Variants in SLC4A5 observed in about 807,000 individuals in gnomAD.
The protein encoded by SLC4A5 is electrogenic sodium bicarbonate cotransporter 4.
In SLC4A5, 96 loss-of-function variants were observed where a neutral mutation model predicts 120.4. That is an observed-to-expected ratio of 0.80 (90% CI 0.68 to 0.94). The LOEUF (loss-of-function observed/expected upper bound fraction) is 0.94. SLC4A5 is among the 40% of genes least tolerant of loss of function. SLC4A5 has a pLI of 0.00. For missense variants in SLC4A5, 1,259 were observed against 1,459.5 expected, an observed-to-expected ratio of 0.86 and a Z score of 2.24; for synonymous variants, 550 against 571.1, an observed-to-expected ratio of 0.96 and a Z score of 0.53.
Position 74,255,652 on chromosome 2 carries a change from C to T in SLC4A5, c.1025+123G>A. On this transcript the variant is annotated intron_variant, in intron 13 of 30. Transcript: ENST00000394019. The surrounding 1 kb of genome is among the most constrained non-coding windows in gnomAD (Gnocchi z 4.0). Reference sequence around the variant, plus strand: ...CTTCCCTAGTCAGAAGATTTCCCTTCCCAGCAGCCTCCACGTTTAGAGGTG... The same window carrying T: ...CTTCCCTAGTCAGAAGATTTCCCTTTCCAGCAGCCTCCACGTTTAGAGGTG... The T allele has an allele frequency of 8.6e-7, 1 of 1,156,882 alleles. No homozygotes were observed. The highest frequency in any genetic ancestry group is 1.6e-5 in the South Asian group (1 of 63,366). The allele number at this position is 1,156,882 out of a possible 1,614,324, so 71.7% of individuals were successfully genotyped here.
intron 4 of SLC4A5, among the ~76,000 whole-genome samples, chr2:74,333,367 T>C (rs1429567755): frequency 6.6e-6 from 1 of 152,144 alleles, no homozygotes; most frequent in Non-Finnish European, 1.5e-5. Context: ...TCGCCAGGGA[T>C]CTGCCAGGAG....
At chr2:74,221,451 G>A in exon 30 of SLC4A5, 1 of 1,613,426 alleles carries the variant, frequency 6.2e-7, no homozygotes, top group Non-Finnish European at 8.5e-7. Flanking sequence ...CAAGTTCTGT[G>A]TCACTGAAGG....
exon 7 of SLC4A5, chr2:74,304,574 C>T: frequency 6.2e-7 from 1 of 1,614,186 alleles, no homozygotes. Flanking sequence ...GCTGGTCTGG[C>T]CGCAGGCCCC....
chr2:74,251,228 G>A (rs1291104989), intron 16 of SLC4A5, among the ~76,000 whole-genome samples: 4 of 151,922 alleles, frequency 2.6e-5, no homozygotes, highest in Non-Finnish European at 5.9e-5. Flanking sequence ...AAGCAAAAAT[G>A]TCTCTGGACA....
chr2:74,282,318 C>G (rs1573058743), intron 8 of SLC4A5, among the ~76,000 whole-genome samples: 1 of 152,242 alleles, frequency 6.6e-6, no homozygotes, highest in African/African-American at 2.4e-5. Flanking sequence ...CTACTCTCTT[C>G]CCACATTTTC....
chr2:74,253,233 C>G, intron 14 of SLC4A5, 105 bp from the exon 15 acceptor site: 1 of 1,337,472 alleles, frequency 7.5e-7, no homozygotes, highest in Non-Finnish European at 1.0e-6. Flanking sequence ...AACCACATCT[C>G]CCACTGCCAA....
At position 74,263,310 on chromosome 2, in the gene SLC4A5, TC is replaced by T. The variant is rs749603418; in HGVS notation, c.715+836del. 9.8e-4 allele frequency among the ~76,000 whole-genome samples: 149 copies of T among 152,346 alleles called. 1 individual carries two copies. Among genetic ancestry groups the T allele is most frequent in the Non-Finnish European group, 1.1e-3 (75 of 68,036 alleles). ...CATGTCACCCAGGCTGGTCGCAAAC[TC>T]CTGAGCTCAAGCAATCCACCCACCT... On this transcript the variant is annotated intron_variant, in intron 10 of 30. Transcript: ENST00000394019.
At chr2:74,286,636 C>G (rs1477833839) in intron 7 of SLC4A5, among the ~76,000 whole-genome samples, 1 of 152,166 alleles carries the variant, frequency 6.6e-6, no homozygotes, top group African/African-American at 2.4e-5. Context: ...TGAGCATGTC[C>G]TCTAGTGATA....
At chr2:74,276,668 C>CTTCATTACTACAGGTATGGAAGACATA (rs1671650662) in intron 8 of SLC4A5, among the ~76,000 whole-genome samples, 1 of 150,162 alleles carries the variant, frequency 6.7e-6, no homozygotes, top group Admixed American at 6.6e-5. Context: ...AAGTGTATAT[C>CTTCATTACTACAGGTATGGAAGACATA]TTCATTACTA....
At chr2:74,223,647 C>G (rs972764314) in intron 28 of SLC4A5, among the ~76,000 whole-genome samples, 1 of 152,124 alleles carries the variant, frequency 6.6e-6, no homozygotes. Context: ...TTTTCCCAAC[C>G]CTGTAATAGT....
intron 8 of SLC4A5, among the ~76,000 whole-genome samples, chr2:74,270,166 G>A (rs1317634955): frequency 6.6e-6 from 1 of 152,194 alleles, no homozygotes; most frequent in African/African-American, 2.4e-5. Flanking sequence ...TAGGGACACC[G>A]CTCTAGTCCC....
In SLC4A5 at chr2:74,315,239, A is replaced by G. The variant is rs939895031; in HGVS notation, c.-2-214T>C. Among the ~76,000 whole-genome samples the G allele has an allele frequency of 3.2e-4, 49 of 152,108 alleles. 1 individual carries two copies. Among genetic ancestry groups the G allele is most frequent in the Non-Finnish European group, 2.5e-4 (17 of 68,022 alleles). On this transcript the variant is annotated intron_variant, in intron 5 of 30. Transcript: ENST00000394019. The stretch of plus-strand genomic sequence containing the variant: ...TGGATCACCTGAGGTCAGGAGTTCG[A>G]GACCAGCCTGGCCAATACAGTGAAA...
At chr2:74,295,092 G>A (rs937887446) in intron 7 of SLC4A5, among the ~76,000 whole-genome samples, 10 of 152,104 alleles carry the variant, frequency 6.6e-5, no homozygotes, top group Non-Finnish European at 1.3e-4. Flanking sequence ...GAGAGACCGA[G>A]GTAAATCATA....
intron 17 of SLC4A5, among the ~76,000 whole-genome samples, chr2:74,249,130 G>A (rs1192138923): frequency 6.6e-6 from 1 of 152,160 alleles, no homozygotes; most frequent in Non-Finnish European, 1.5e-5. Context: ...CCTCCTCCCA[G>A]TTATAACAAT....
At chr2:74,245,379 T>C (rs1388444481) in intron 19 of SLC4A5, among the ~76,000 whole-genome samples, 1 of 152,144 alleles carries the variant, frequency 6.6e-6, no homozygotes, top group Non-Finnish European at 1.5e-5. Flanking sequence ...AGATCAAGGA[T>C]GTGTGCTTCT....
intron 3 of SLC4A5, among the ~76,000 whole-genome samples, 199 bp from the exon 4 acceptor site, chr2:74,334,376 G>C (rs760642565): frequency 1.3e-5 from 2 of 152,132 alleles, no homozygotes; most frequent in Non-Finnish European, 2.9e-5. Context: ...TAACACCCCA[G>C]GCTCATTCCC....
chr2:74,285,905 G>A lies in SLC4A5; in HGVS notation c.272-3C>T, dbSNP rs756063975. ...GAGCTGCTCAGCAGCTGGGGACCCT[G>A]CAAAAGAGGGGCAGCAGGTCTGCTG... On this transcript the variant is annotated splice_region_variant and splice_polypyrimidine_tract_variant and intron_variant, in intron 7 of 30. Coordinates refer to ENST00000394019, the Ensembl canonical transcript of SLC4A5. 1.9e-6 allele frequency: 3 copies of A among 1,590,532 alleles called. No homozygotes were observed. The highest frequency in any genetic ancestry group is 2.7e-5 in the African/African-American group (2 of 74,238).
chr2:74,294,766 T>C (rs1672278368), intron 7 of SLC4A5, among the ~76,000 whole-genome samples: 2 of 151,544 alleles, frequency 1.3e-5, no homozygotes, highest in African/African-American at 2.4e-5. Context: ...CCGCCTCCAG[T>C]GTTCAAGCAA....
chr2:74,232,103 C>T (rs1408873657), intron 24 of SLC4A5, among the ~76,000 whole-genome samples: 6 of 152,126 alleles, frequency 3.9e-5, no homozygotes, highest in African/African-American at 9.7e-5. Context: ...GACCTGAACC[C>T]GCAGGAGGGC....
Sources: gnomAD v4.1 joint callset for allele counts (sites outside exome capture counted in the v4.1 genomes callset) on GRCh38, gnomAD v4.1.1 for gene constraint, Gnocchi (gnomAD v3.1) non-coding constraint, MANE v1.5 for transcripts, NCBI Gene and HGNC (gene_info 2026-07-23, HGNC 2026-07-21) for gene names.